The following NRG2 variants were observed in gnomAD, a reference collection of about 807,000 sequenced individuals.
NRG2 encodes the protein pro-neuregulin-2, membrane-bound isoform.
NRG2 carries 27 observed loss-of-function variants against 73.9 expected under a neutral mutation model. The observed-to-expected ratio is 0.37, with a 90% CI of 0.27 to 0.50. The LOEUF is 0.50. Among genes scored for constraint, NRG2 ranks in the 20% least tolerant of loss-of-function variants. The probability of loss-of-function intolerance (pLI) is 0.96; values close to 1 mark genes in which losing one functional copy is unlikely to be tolerated. For synonymous variants in NRG2, 532 were observed against 541.0 expected, an observed-to-expected ratio of 0.98 and a Z score of 0.23; for missense variants, 1,126 against 1,210.1, an observed-to-expected ratio of 0.93 and a Z score of 1.03.
At chr5:139,937,406 A>G (rs1035080105) in intron 1 of NRG2, among the ~76,000 whole-genome samples, 2 of 152,240 alleles carry the variant, frequency 1.3e-5, no homozygotes, top group African/African-American at 2.4e-5. Flanking sequence ...AAGATCAGGA[A>G]TAAGGCTAGG....
intron 1 of NRG2, among the ~76,000 whole-genome samples, chr5:139,969,431 G>A (rs1022648216): frequency 6.6e-6 from 1 of 152,206 alleles, no homozygotes; most frequent in Admixed American, 6.5e-5. Context: ...TGAAAGGAGC[G>A]TTTCTACCAA....
At chr5:139,911,656 A>G (rs2436586) in intron 1 of NRG2, among the ~76,000 whole-genome samples, 36,421 of 152,050 alleles carry the variant, frequency 0.24, 5,981 homozygotes, top group African/African-American at 0.47. Flanking sequence ...TGGGGTAAAT[A>G]GCCCCATCTG....
intron 5 of NRG2, among the ~76,000 whole-genome samples, chr5:139,862,802 G>T (rs1399616958): frequency 2.6e-5 from 4 of 152,278 alleles, no homozygotes; most frequent in African/African-American, 9.6e-5. Context: ...GTACAAGTAT[G>T]TGTGCTCTTT....
At position 139,851,073 on chromosome 5, in the gene NRG2, C is replaced by A. The variant is rs192260173; in HGVS notation, c.1772+531G>T. ...CGCCATCTCAGCTCACTGCAACCTC[C>A]GCCTCCCAGGTGAAGGGATGCTCTT... is the stretch of plus-strand genomic sequence containing the variant. On this transcript the variant is annotated intron_variant, in intron 9 of 9. Coordinates refer to ENST00000361474, the MANE Select transcript of NRG2 (RefSeq NM_004883.3). The surrounding 1 kb of genome is among the most constrained non-coding windows in gnomAD (Gnocchi z 4.2). Among the ~76,000 whole-genome samples the A allele has an allele frequency of 6.6e-6, 1 of 151,942 alleles. No individual in the cohort carries two copies. Among genetic ancestry groups the A allele is most frequent in the African/African-American group, 2.4e-5 (1 of 41,360 alleles).
rs1393001354 is a variant in NRG2 at position 140,008,074 on chromosome 5, C to T, written c.700+34296G>A. On this transcript the variant is annotated intron_variant, in intron 1 of 9. Coordinates refer to ENST00000361474, the MANE Select transcript of NRG2 (RefSeq NM_004883.3). This position sits in a 1 kb window ranked among gnomAD's most constrained non-coding sequence, Gnocchi z 4.2. ...GCTGTCACTCTCTAGTGTCATTTCA[C>T]ATGAGAACAGATGTGGGGAGCACCA... Among the ~76,000 whole-genome samples the T allele has an allele frequency of 2.0e-5, 3 of 152,230 alleles. No individual in the cohort carries two copies. The highest frequency in any genetic ancestry group is 2.0e-4 in the Admixed American group (3 of 15,286).
chr5:140,012,873 T>G (rs1759474662), intron 1 of NRG2, among the ~76,000 whole-genome samples: 1 of 152,214 alleles, frequency 6.6e-6, no homozygotes. Flanking sequence ...CCAGTACCTG[T>G]GCCCATGCAA....
At chr5:139,925,911 C>T (rs1752024669) in intron 1 of NRG2, among the ~76,000 whole-genome samples, 2 of 152,238 alleles carry the variant, frequency 1.3e-5, no homozygotes, top group African/African-American at 4.8e-5. Context: ...AGCAGCTCAT[C>T]CATGGATGCA....
intron 1 of NRG2, among the ~76,000 whole-genome samples, chr5:139,982,561 C>T (rs1320661799): frequency 6.6e-6 from 1 of 152,154 alleles, no homozygotes; most frequent in East Asian, 1.9e-4. Flanking sequence ...AAGTCGTAGT[C>T]AATTAGAAGG....
rs371148711 is a variant in NRG2 at position 139,887,366 on chromosome 5, G to A, written c.846C>T (p.Asp282=). Reference sequence around the variant, plus strand: ...TGCCGTTGCCATATTTGATGCGAATGTCTCGGCTGCGGTTGAGCTCCTTGC... The same window carrying A: ...TGCCGTTGCCATATTTGATGCGAATATCTCGGCTGCGGTTGAGCTCCTTGC... The part of the protein sequence containing the change: ...KDGKELNRSR[D]IRIKYGNGRK... Residue 282 remains aspartate, a synonymous_variant, in exon 2 of 10, where the codon GAC becomes GAT. Coordinates refer to ENST00000361474, the MANE Select transcript of NRG2 (RefSeq NM_004883.3). The surrounding 1 kb of genome is among the most constrained non-coding windows in gnomAD (Gnocchi z 4.5). 4.6e-5 allele frequency: 75 copies of A among 1,614,122 alleles called. No individual in the cohort carries two copies. Among genetic ancestry groups the A allele is most frequent in the Non-Finnish European group, 5.6e-5 (66 of 1,180,046 alleles).
chr5:139,848,993 T>G lies in NRG2; in HGVS notation c.1773-296A>C, dbSNP rs910202543. 2.6e-5 allele frequency among the ~76,000 whole-genome samples: 4 copies of G among 152,300 alleles called. No individual in the cohort carries two copies. In the South Asian group the frequency reaches 6.2e-4, roughly 24 times the overall value. On this transcript the variant is annotated intron_variant, in intron 9 of 9. Transcript: ENST00000361474. ...GATGTGTTAGCCCTGTGCCTGACCC[T>G]GGTAAGCTTTCATGAATGGTCACTT...
chr5:139,963,173 C>T (rs527389680), intron 1 of NRG2, among the ~76,000 whole-genome samples: 6 of 152,334 alleles, frequency 3.9e-5, no homozygotes, highest in African/African-American at 1.4e-4. Context: ...ACTTTGACCT[C>T]CATAAAGCAG....
At chr5:140,030,486 T>G (rs1761049718) in intron 1 of NRG2, among the ~76,000 whole-genome samples, 1 of 152,220 alleles carries the variant, frequency 6.6e-6, no homozygotes, top group Non-Finnish European at 1.5e-5. Context: ...TCTGTGGGCA[T>G]AGGTGAAGCA....
chr5:139,848,662 G>A lies in NRG2; in HGVS notation c.1808C>T (p.Ser603Leu). The A allele has an allele frequency of 6.4e-7, 1 of 1,568,448 alleles. No homozygotes were observed. The highest frequency in any genetic ancestry group is 1.1e-5 in the South Asian group (1 of 87,048). The change falls in exon 10 of 10, where the codon TCG becomes TTG. Residue 603 changes from serine (S) to leucine (L), a missense_variant. Coordinates refer to ENST00000361474, the MANE Select transcript of NRG2 (RefSeq NM_004883.3). ...VSALTTPARL[S>L]PVDFHYSLAT... is the part of the protein sequence containing the mutation. ...CAGCGAGTAGTGGAAGTCCACGGGC[G>A]AGAGGCGCGCGGGCGTGGTCAGGGC...
intron 1 of NRG2, among the ~76,000 whole-genome samples, chr5:139,970,995 C>T (rs1259738097): frequency 6.6e-6 from 1 of 152,028 alleles, no homozygotes; most frequent in East Asian, 1.9e-4. Context: ...AATGAATCTC[C>T]ATCCTTCTTA....
At chr5:139,929,015 C>T (rs1211927896) in intron 1 of NRG2, among the ~76,000 whole-genome samples, 1 of 152,216 alleles carries the variant, frequency 6.6e-6, no homozygotes, top group African/African-American at 2.4e-5. Context: ...TCTATTCTAG[C>T]ACCCCATGAA....
intron 1 of NRG2, among the ~76,000 whole-genome samples, chr5:139,948,985 G>A (rs959158403): frequency 6.6e-5 from 10 of 152,036 alleles, no homozygotes; most frequent in Admixed American, 4.6e-4. Flanking sequence ...TCTGAGTCTC[G>A]GTGACCCTGA....
In NRG2 at chr5:139,848,334, C is replaced by T. The variant is rs1761152548; in HGVS notation, c.2136G>A (p.Glu712=). ...GCGCGCACTCCTGCGTGGTCTCGTA[C>T]TCGTCGTCCTCGGGGATGCGGAAGG... The part of the protein sequence containing the change: ...ASPFRIPEDD[E]YETTQECAPP... Residue 712 remains glutamate, a synonymous_variant, in exon 10 of 10, where the codon GAG becomes GAA. Coordinates refer to ENST00000361474, the MANE Select transcript of NRG2 (RefSeq NM_004883.3). The T allele has an allele frequency of 1.6e-5, 19 of 1,210,918 alleles. No individual in the cohort carries two copies. In the South Asian group the frequency reaches 3.5e-4, roughly 22 times the overall value. 75.0% of individuals were successfully genotyped at this position (1,210,918 alleles called of 1,614,324 possible). A position where few individuals can be genotyped will look rare whatever the true frequency, so the allele number is the denominator to read the frequency against.
At chr5:139,907,081 G>A (rs183112589) in intron 1 of NRG2, among the ~76,000 whole-genome samples, 1 of 152,264 alleles carries the variant, frequency 6.6e-6, no homozygotes, top group East Asian at 1.9e-4. Context: ...TGAGGTGTGT[G>A]TACATATGAG....
At chr5:139,874,288 C>T (rs983423526) in intron 3 of NRG2, among the ~76,000 whole-genome samples, 2 of 152,198 alleles carry the variant, frequency 1.3e-5, no homozygotes, top group African/African-American at 4.8e-5. Flanking sequence ...GACGTGGACT[C>T]TCCCTTTACA....
Sources: allele counts gnomAD v4.1 joint callset (sites outside exome capture counted in the v4.1 genomes callset), GRCh38; gene constraint gnomAD v4.1.1; non-coding constraint Gnocchi (gnomAD v3.1); transcripts MANE v1.5; gene names NCBI Gene and HGNC (gene_info 2026-07-23, HGNC 2026-07-21).